DHX9: variants seen among roughly 807,000 people sequenced by gnomAD.
DHX9 encodes ATP-dependent RNA helicase A.
DHX9 carries 27 observed loss-of-function variants against 148.7 expected under a neutral mutation model. The ratio of observed to expected loss-of-function variants is 0.18; its 90% CI spans 0.13 to 0.25. The LOEUF (loss-of-function observed/expected upper bound fraction) is 0.25, where lower values mean the gene tolerates loss of function less well. Among genes scored for constraint, DHX9 ranks in the 10% least tolerant of loss-of-function variants. DHX9 has a pLI of 1.00. For missense variants in DHX9, 796 were observed against 1,559.6 expected, an observed-to-expected ratio of 0.51 and a Z score of 8.25; for synonymous variants, 529 against 516.6, an observed-to-expected ratio of 1.02 and a Z score of -0.33.
At chr1:182,856,270 A>AATTT (rs1470537258) in intron 6 of DHX9, among the ~76,000 whole-genome samples, 54 of 152,354 alleles carry the variant, frequency 3.5e-4, no homozygotes, top group African/African-American at 1.3e-3. Flanking sequence ...AGAGTAAGTA[A>AATTT]ATATAAAATC....
rs147262037 is a variant in DHX9, at chr1:182,858,625, T to A, written c.885T>A (p.Leu295=). The A allele has an allele frequency of 2.9e-5, 46 of 1,609,250 alleles. 2 individuals are homozygous for A. In the African/African-American group the frequency reaches 5.3e-4, roughly 19 times the overall value. The change falls in exon 9 of 28, where the codon CTT becomes CTA. Residue 295 remains leucine (L), a synonymous_variant. Coordinates refer to ENST00000367549, the MANE Select transcript of DHX9 (RefSeq NM_001357.5). ...AAAACATCATTCAAGAGCTAAATCTTGAGATTTTGCCCCCGGTAAGCATAA... is the reference window on the plus strand; with the variant it reads ...AAAACATCATTCAAGAGCTAAATCTAGAGATTTTGCCCCCGGTAAGCATAA... ...QLQNIIQELN[L]EILPPPEDPS... is the part of the protein sequence containing the mutation.
Position 182,887,257 on chromosome 1 carries a change from A to G in DHX9, c.3636A>G (p.Ala1212=). 1 of 1,614,138 alleles carries G rather than the reference A, an allele frequency of 6.2e-7. No individual in the cohort carries two copies. The highest frequency in any genetic ancestry group is 8.5e-7 in the Non-Finnish European group (1 of 1,180,022). The change falls in exon 28 of 28, where the codon GCA becomes GCG. Residue 1212 remains alanine (A), a synonymous_variant. Coordinates refer to ENST00000367549, the MANE Select transcript of DHX9 (RefSeq NM_001357.5). ...SANSFRAGYG[A]GVGGGYRGVS... ...ACTCCTTTCGGGCAGGATATGGTGC[A>G]GGTGTTGGTGGAGGCTATAGAGGAG...
At chr1:182,852,088 C>T in intron 3 of DHX9, 145 bp from the exon 4 acceptor site, 1 of 554,584 alleles carries the variant, frequency 1.8e-6, no homozygotes. Flanking sequence ...AGATGCACTG[C>T]TCTAGAGACT....
intron 12 of DHX9, among the ~76,000 whole-genome samples, chr1:182,861,468 A>G (rs373334710): frequency 3.2e-4 from 48 of 152,274 alleles, no homozygotes; most frequent in Middle Eastern, 3.4e-3. Flanking sequence ...CAAGAGTGCA[A>G]TTTTACAGAA....
At chr1:182,880,699 CAA>C (rs146667415) in intron 22 of DHX9, 91 bp downstream of exon 22, 15 of 674,992 alleles carry the variant, frequency 2.2e-5, no homozygotes, top group South Asian at 8.6e-5. Flanking sequence ...CTCAGATAGA[CAA>C]AAAAAAAATC....
At chr1:182,861,402 C>G (rs566057074) in intron 12 of DHX9, among the ~76,000 whole-genome samples, 2 of 152,298 alleles carry the variant, frequency 1.3e-5, no homozygotes, top group East Asian at 1.9e-4. Flanking sequence ...TCATCATACT[C>G]CAATAAAATA....
intron 16 of DHX9, 130 bp downstream of exon 16, chr1:182,875,084 T>C (rs1648698843): frequency 1.3e-6 from 1 of 773,538 alleles, no homozygotes; most frequent in African/African-American, 1.7e-5. Context: ...AATGTCTGCC[T>C]TTGGATTAAT....
chr1:182,886,461 GC>G (rs1649336096), intron 27 of DHX9, among the ~76,000 whole-genome samples: 1 of 152,082 alleles, frequency 6.6e-6, no homozygotes, highest in Non-Finnish European at 1.5e-5. Flanking sequence ...CTCCCAAAGT[GC>G]TGGGATTACA....
chr1:182,841,018 C>T (rs925695709), intron 1 of DHX9, among the ~76,000 whole-genome samples: 1 of 152,138 alleles, frequency 6.6e-6, no homozygotes, highest in Non-Finnish European at 1.5e-5. Flanking sequence ...GACGGGCGGG[C>T]GCGGTGGCTG....
Position 182,848,955 on chromosome 1 carries a change from G to A in DHX9, c.253-3278G>A, listed in dbSNP as rs139224000. 3.7e-3 allele frequency among the ~76,000 whole-genome samples: 569 copies of A among 152,236 alleles called. 4 individuals carry two copies. The highest frequency in any genetic ancestry group is 6.8e-3 in the Non-Finnish European group (463 of 68,014). On this transcript the variant is annotated intron_variant, in intron 3 of 27. Coordinates refer to ENST00000367549, the MANE Select transcript of DHX9 (RefSeq NM_001357.5). ...TAGGATAGCAGTACCAAGGAAAGTG[G>A]TACTAAACCATGCATGAGAAACCCA...
intron 12 of DHX9, among the ~76,000 whole-genome samples, 179 bp from the exon 13 acceptor site, chr1:182,866,265 T>G (rs1475061550): frequency 1.3e-5 from 2 of 152,178 alleles, no homozygotes; most frequent in Non-Finnish European, 2.9e-5. Flanking sequence ...ATATGCAAAA[T>G]GAAAAACATT....
Position 182,853,282 on chromosome 1 carries a change from A to C in DHX9, c.365-24A>C. The C allele has an allele frequency of 2.6e-6, 4 of 1,537,676 alleles. No individual in the cohort carries two copies. The South Asian group carries it at 4.5e-5, about 17-fold the overall frequency. On this transcript the variant is annotated intron_variant, in intron 4 of 27. Transcript: ENST00000367549. ...ATTTTTCTACAGTTATGACTCATTAAGAGAATTTTTTTTCTTTTAACAGAA... is the reference window on the plus strand; with the variant it reads ...ATTTTTCTACAGTTATGACTCATTACGAGAATTTTTTTTCTTTTAACAGAA...
chr1:182,862,834 A>G (rs1296948164), intron 12 of DHX9, among the ~76,000 whole-genome samples: 1 of 152,182 alleles, frequency 6.6e-6, no homozygotes, highest in Non-Finnish European at 1.5e-5. Flanking sequence ...GAGATCTCCA[A>G]CCTCTTATGG....
At chr1:182,853,501 C>A in intron 5 of DHX9, 83 bp downstream of exon 5, 3 of 1,024,112 alleles carry the variant, frequency 2.9e-6, no homozygotes, top group Non-Finnish European at 4.4e-6. Flanking sequence ...AGGATATTCA[C>A]AAGTTAATAA....
At chr1:182,849,674 A>G (rs1668096229) in intron 3 of DHX9, among the ~76,000 whole-genome samples, 2 of 152,200 alleles carry the variant, frequency 1.3e-5, no homozygotes, top group Admixed American at 1.3e-4. Context: ...TAACCTCACC[A>G]CTGGTTTTAG....
chr1:182,870,097 C>T (rs1316437457), intron 14 of DHX9, among the ~76,000 whole-genome samples: 2 of 152,112 alleles, frequency 1.3e-5, no homozygotes, highest in African/African-American at 4.8e-5. Flanking sequence ...AAAAAGATAC[C>T]ATTGCAGTAG....
intron 20 of DHX9, among the ~76,000 whole-genome samples, chr1:182,878,916 CTTG>C (rs987189542): frequency 3.3e-5 from 5 of 152,318 alleles, no homozygotes; most frequent in South Asian, 2.1e-4. Context: ...TACAAAAAGT[CTTG>C]TTGTCGTTTT....
At chr1:182,856,292 C>T (rs1161414177) in intron 6 of DHX9, among the ~76,000 whole-genome samples, 2 of 152,204 alleles carry the variant, frequency 1.3e-5, no homozygotes, top group Non-Finnish European at 2.9e-5. Context: ...AATACCCTAA[C>T]GTTTTCCTTT....
intron 24 of DHX9, 149 bp downstream of exon 24, chr1:182,881,796 C>G (rs976831383): frequency 2.4e-6 from 2 of 816,718 alleles, no homozygotes; most frequent in African/African-American, 3.5e-5. Context: ...GAACACTGGT[C>G]TAGTTCCCAG....
Sources: gnomAD v4.1 joint callset for allele counts (sites outside exome capture counted in the v4.1 genomes callset) on GRCh38, gnomAD v4.1.1 for gene constraint, MANE v1.5 for transcripts, NCBI Gene and HGNC (gene_info 2026-07-23, HGNC 2026-07-21) for gene names.